Variants in ZNF749 observed in about 807,000 individuals in gnomAD.
The protein encoded by ZNF749 is zinc finger protein 749.
ZNF749 carries 8 observed loss-of-function variants against 7.3 expected under a neutral mutation model. The observed-to-expected ratio is 1.10, with a 90% CI of 0.64 to 1.98. The LOEUF is 1.98. ZNF749 is among the 30% of genes most tolerant of loss of function. The pLI, the probability that ZNF749 is intolerant of heterozygous loss-of-function variation, is 0.00. For synonymous variants in ZNF749, 310 were observed against 322.4 expected (o/e 0.96, Z 0.41); for missense variants, 898 against 932.4 (o/e 0.96, Z 0.48).
upstream of ZNF749, among the ~76,000 whole-genome samples, chr19:57,432,060 G>A (rs965982831): frequency 6.6e-5 from 10 of 151,630 alleles, no homozygotes; most frequent in African/African-American, 1.7e-4. Context: ...CTCGAACTCC[G>A]GACCTCAGGT....
upstream of ZNF749, among the ~76,000 whole-genome samples, chr19:57,431,255 G>A (rs991940450): frequency 6.6e-6 from 1 of 152,148 alleles, no homozygotes; most frequent in African/African-American, 2.4e-5. Context: ...AAAAACTACT[G>A]CTTACTGGGC....
At chr19:57,441,794 C>G in intron 1 of ZNF749, 91 bp from the exon 2 acceptor site, 2 of 1,534,704 alleles carry the variant, frequency 1.3e-6, no homozygotes, top group Non-Finnish European at 1.8e-6. Flanking sequence ...GTTTGGCCCT[C>G]CAATTCTTAG....
chr19:57,437,251 G>A (rs1020436461), intron 1 of ZNF749, among the ~76,000 whole-genome samples: 2 of 151,902 alleles, frequency 1.3e-5, no homozygotes, highest in African/African-American at 4.8e-5. Flanking sequence ...GGTCAGACAG[G>A]TCTGGGCTAT....
upstream of ZNF749, among the ~76,000 whole-genome samples, chr19:57,430,767 T>C (rs774470390): frequency 7.2e-5 from 11 of 152,024 alleles, no homozygotes; most frequent in Non-Finnish European, 1.0e-4. Context: ...TTAGGCAGGG[T>C]ACGGTGGCTC....
At position 57,443,442 on chromosome 19, in the gene ZNF749, C is replaced by T; in HGVS notation, c.294C>T (p.His98=). ...MCSSILKDIL[H]LAEHDGTHPE... ...GCTCAATTCTGAAGGACATTCTGCA[C>T]CTGGCTGAGCACGATGGAACACACC... Residue 98 remains histidine (H), a synonymous_variant, in exon 3 of 3, where the codon CAC becomes CAT. Transcript: ENST00000334181. The T allele has an allele frequency of 6.2e-7, 1 of 1,614,242 alleles. No homozygotes were observed.
Position 57,443,559 on chromosome 19 carries a change from G to A in ZNF749, c.411G>A (p.Arg137=). 6.2e-7 allele frequency: 1 copy of A among 1,614,250 alleles called. No homozygotes were observed. The highest frequency in any genetic ancestry group is 2.2e-5 in the East Asian group (1 of 44,888). The change falls in exon 3 of 3, where the codon AGG becomes AGA. Residue 137 remains arginine (R), a synonymous_variant. Coordinates refer to ENST00000334181, the MANE Select transcript of ZNF749 (RefSeq NM_001023561.4). ...REKLTRSDEW[R]PSFVNHSAHV... ...AGCTCACCAGAAGTGATGAGTGGAG[G>A]CCTTCATTTGTGAACCACAGTGCTC...
In ZNF749 at chr19:57,444,336, A is replaced by C. The variant is rs755832300; in HGVS notation, c.1188A>C (p.Thr396=). ...ICGKFFSHRS[T]LNMHQRVHAG... ...GAAAATTCTTTAGTCACCGCTCCACACTCAATATGCACCAGAGAGTTCATG... is the reference window on the plus strand; with the variant it reads ...GAAAATTCTTTAGTCACCGCTCCACCCTCAATATGCACCAGAGAGTTCATG... Residue 396 remains threonine, a synonymous_variant, in exon 3 of 3, where the codon ACA becomes ACC. Coordinates refer to ENST00000334181, the MANE Select transcript of ZNF749 (RefSeq NM_001023561.4). 10 of 1,613,998 alleles carry C rather than the reference A, an allele frequency of 6.2e-6. No homozygotes were observed. In the African/African-American group the frequency reaches 1.3e-4, roughly 22 times the overall value.
chr19:57,435,546 T>C lies in ZNF749; in HGVS notation c.-33T>C. On this transcript the variant is annotated 5_prime_UTR_variant, in exon 1 of 3. Coordinates refer to ENST00000334181, the MANE Select transcript of ZNF749 (RefSeq NM_001023561.4). ...CAGGTGACCGCCGTTCCCGCCCCGCTCTTCCCTGGGTGGACTGGAGGAGGC... is the reference window on the plus strand; with the variant it reads ...CAGGTGACCGCCGTTCCCGCCCCGCCCTTCCCTGGGTGGACTGGAGGAGGC... 6.3e-7 allele frequency: 1 copy of C among 1,599,940 alleles called. No individual in the cohort carries two copies. Among genetic ancestry groups the C allele is most frequent in the Non-Finnish European group, 8.5e-7 (1 of 1,174,990 alleles).
In ZNF749 at chr19:57,445,542, C is replaced by T. The variant is rs577196210; in HGVS notation, c.*57C>T. On this transcript the variant is annotated 3_prime_UTR_variant, in exon 3 of 3. Coordinates refer to ENST00000334181, the MANE Select transcript of ZNF749 (RefSeq NM_001023561.4). ...TCACCTCATTCAGCACCAAAAGGTT[C>T]ACATCGGACCAAGAACCTATTAATA... The T allele has an allele frequency of 6.5e-7, 1 of 1,537,084 alleles. No individual in the cohort carries two copies. The highest frequency in any genetic ancestry group is 1.4e-5 in the African/African-American group (1 of 72,216).
At chr19:57,440,860 G>C (rs2088980533) in intron 1 of ZNF749, among the ~76,000 whole-genome samples, 1 of 152,172 alleles carries the variant, frequency 6.6e-6, no homozygotes, top group South Asian at 2.1e-4. Context: ...GGGCGCAGTG[G>C]CTCATGTCTG....
intron 1 of ZNF749, among the ~76,000 whole-genome samples, chr19:57,440,846 G>A (rs1425279889): frequency 2.6e-5 from 4 of 151,984 alleles, no homozygotes; most frequent in African/African-American, 9.7e-5. Flanking sequence ...AGGTAGGGCC[G>A]GCCGGGCGCA....
chr19:57,442,959 G>A lies in ZNF749; in HGVS notation c.143-332G>A, dbSNP rs554531155. Among the ~76,000 whole-genome samples, 1 of 152,136 alleles carries A rather than the reference G, an allele frequency of 6.6e-6. No individual in the cohort carries two copies. The highest frequency in any genetic ancestry group is 1.5e-5 in the Non-Finnish European group (1 of 68,032). ...CTGCGTGTATCCTTCAGTAGTCCATGAATACTCGCTCTCACACAATCAGAT... is the reference window on the plus strand; with the variant it reads ...CTGCGTGTATCCTTCAGTAGTCCATAAATACTCGCTCTCACACAATCAGAT... On this transcript the variant is annotated intron_variant, in intron 2 of 2. Transcript: ENST00000334181. The surrounding 1 kb of genome is among the most constrained non-coding windows in gnomAD (Gnocchi z 6.6).
upstream of ZNF749, among the ~76,000 whole-genome samples, chr19:57,432,375 A>G (rs1355966444): frequency 4.0e-5 from 6 of 150,888 alleles, no homozygotes; most frequent in Admixed American, 4.0e-4. Flanking sequence ...CAGGAGTTCG[A>G]AACCAGCCTG....
rs1373956478 is a variant in ZNF749 at position 57,438,330 on chromosome 19, C to G, written c.15+2737C>G. The G allele has an allele frequency of 8.8e-6, 3 of 339,776 alleles. No homozygotes were observed. In the East Asian group the frequency reaches 1.3e-4, roughly 15 times the overall value. 21.0% of individuals were successfully genotyped at this position (339,776 alleles called of 1,614,324 possible). A position where few individuals can be genotyped will look rare whatever the true frequency, so the allele number is the denominator to read the frequency against. Reference sequence around the variant, plus strand: ...AACTTGTGATCAATTAAGCAGCTGACCAGTCGTTACCTCCTCCTCCCTTTC... The same window carrying G: ...AACTTGTGATCAATTAAGCAGCTGAGCAGTCGTTACCTCCTCCTCCCTTTC... On this transcript the variant is annotated intron_variant, in intron 1 of 2. Coordinates refer to ENST00000334181, the MANE Select transcript of ZNF749 (RefSeq NM_001023561.4).
intron 2 of ZNF749, 39 bp from the exon 3 acceptor site, chr19:57,443,252 G>T (rs773230598): frequency 6.5e-7 from 1 of 1,535,082 alleles, no homozygotes; most frequent in Non-Finnish European, 8.9e-7. Context: ...CCTCCCTCCG[G>T]AGTTCACGTG....
At chr19:57,432,477 G>A (rs1326353845), upstream of ZNF749, among the ~76,000 whole-genome samples, 1 of 148,872 alleles carries the variant, frequency 6.7e-6, no homozygotes, top group Non-Finnish European at 1.5e-5. Context: ...CAGGAGAATT[G>A]CTTGAACCTG....
chr19:57,437,094 T>A (rs2123092397), intron 1 of ZNF749, among the ~76,000 whole-genome samples: 1 of 152,302 alleles, frequency 6.6e-6, no homozygotes, highest in East Asian at 1.9e-4. Flanking sequence ...CTTATTTATA[T>A]TATAGATTAC....
intron 1 of ZNF749, among the ~76,000 whole-genome samples, chr19:57,437,689 A>C (rs1450636321): frequency 2.7e-5 from 4 of 150,664 alleles, no homozygotes; most frequent in African/African-American, 9.8e-5. Flanking sequence ...GTGCCATTGC[A>C]CTGCAGCCTG....
chr19:57,441,906 G>A lies in ZNF749; in HGVS notation c.37G>A (p.Val13Met), dbSNP rs750578255. ...GCAGGATTGTATGGTCTTTGAGGAT[G>A]TGGCCATATATTTCTCCCAAGAGGA... is the stretch of plus-strand genomic sequence containing the variant. ...LTEDCMVFEDVAIYFSQEEWG... is the reference protein window; with the variant it reads ...LTEDCMVFEDMAIYFSQEEWG... Residue 13 changes from valine (V) to methionine (M), a missense_variant, in exon 2 of 3, where the codon GTG (valine) becomes ATG (methionine). Physicochemically the swap from Val to Met is conservative, Grantham distance 21. Transcript: ENST00000334181. 7 of 1,614,058 alleles carry A rather than the reference G, an allele frequency of 4.3e-6. No individual in the cohort carries two copies. The highest frequency in any genetic ancestry group is 4.2e-6 in the Non-Finnish European group (5 of 1,180,018).
Sources: allele counts gnomAD v4.1 joint callset (sites outside exome capture counted in the v4.1 genomes callset), GRCh38; gene constraint gnomAD v4.1.1; non-coding constraint Gnocchi (gnomAD v3.1); transcripts MANE v1.5; gene names NCBI Gene and HGNC (gene_info 2026-07-23, HGNC 2026-07-21).